The following RAD51B variants were observed in gnomAD, a reference collection of about 807,000 sequenced individuals.
RAD51B encodes DNA repair protein RAD51 homolog 2.
In RAD51B, 38 loss-of-function variants were observed where a neutral mutation model predicts 42.2. The ratio of observed to expected loss-of-function variants is 0.90; its 90% CI spans 0.70 to 1.18. The LOEUF (loss-of-function observed/expected upper bound fraction) is 1.18. Among genes scored for constraint, RAD51B ranks in the 50% most tolerant of loss-of-function variants. The pLI is 0.00. For synonymous variants in RAD51B, 154 were observed against 145.2 expected (o/e 1.06, Z -0.43); for missense variants, 373 against 400.7 (o/e 0.93, Z 0.59).
chr14:68,277,650 A>G (rs901852854), intron 7 of RAD51B, among the ~76,000 whole-genome samples: 1 of 152,210 alleles, frequency 6.6e-6, no homozygotes, highest in Non-Finnish European at 1.5e-5. Flanking sequence ...TCATTATTTT[A>G]AAGCAATGTA....
At chr14:67,828,599 TG>T (rs954032349) in intron 3 of RAD51B, among the ~76,000 whole-genome samples, 4 of 152,200 alleles carry the variant, frequency 2.6e-5, no homozygotes, top group African/African-American at 4.8e-5. Context: ...TTCAAGGTTT[TG>T]TTTTTTTTCC....
chr14:68,217,022 T>C (rs542450502), intron 7 of RAD51B, among the ~76,000 whole-genome samples: 1 of 152,356 alleles, frequency 6.6e-6, no homozygotes, highest in Non-Finnish European at 1.5e-5. Context: ...CCAAGTCCTG[T>C]GTCCTCTGGA....
At chr14:67,826,089 A>G (rs1378301889) in intron 3 of RAD51B, among the ~76,000 whole-genome samples, 2 of 152,186 alleles carry the variant, frequency 1.3e-5, no homozygotes, top group East Asian at 3.8e-4. Flanking sequence ...AAATATGGGA[A>G]TTAGGGAGCA....
At chr14:67,918,943 A>G (rs1052774586) in intron 7 of RAD51B, among the ~76,000 whole-genome samples, 8 of 152,220 alleles carry the variant, frequency 5.3e-5, no homozygotes, top group African/African-American at 1.7e-4. Flanking sequence ...AAGGCATGAA[A>G]TCTAGGAAAA....
chr14:68,642,826 T>C (rs1892489825), intron 10 of RAD51B, among the ~76,000 whole-genome samples: 2 of 152,254 alleles, frequency 1.3e-5, no homozygotes, highest in Non-Finnish European at 2.9e-5. Context: ...AATCCAAGTA[T>C]TTTTAAATTT....
intron 8 of RAD51B, among the ~76,000 whole-genome samples, chr14:68,333,641 T>C (rs757041324): frequency 2.6e-5 from 4 of 152,214 alleles, no homozygotes; most frequent in Non-Finnish European, 5.9e-5. Context: ...TGAACACCAA[T>C]TTTTTCTTTT....
chr14:68,149,727 G>C (rs1442347619), intron 7 of RAD51B: 2 of 152,166 alleles, frequency 1.3e-5, no homozygotes, highest in East Asian at 3.9e-4. Flanking sequence ...TTCCAATCTA[G>C]GCCAGTTTAT....
intron 7 of RAD51B, chr14:68,236,527 C>A (rs958397522): frequency 1.3e-5 from 2 of 152,396 alleles, no homozygotes; most frequent in East Asian, 3.9e-4. Flanking sequence ...TAGGTGCCAC[C>A]ACCATGCCTG....
chr14:68,128,556 G>T (rs1222512844), intron 7 of RAD51B, among the ~76,000 whole-genome samples: 1 of 152,148 alleles, frequency 6.6e-6, no homozygotes, highest in African/African-American at 2.4e-5. Flanking sequence ...GCTGGGTGTG[G>T]TGTTACACGC....
At chr14:68,532,458 A>G (rs1040617473) in intron 10 of RAD51B, among the ~76,000 whole-genome samples, 2 of 152,240 alleles carry the variant, frequency 1.3e-5, no homozygotes, top group Non-Finnish European at 2.9e-5. Flanking sequence ...GAGCAAATCT[A>G]TGAACAACTT....
intron 10 of RAD51B, among the ~76,000 whole-genome samples, chr14:68,521,972 G>A (rs751675079): frequency 1.6e-4 from 25 of 152,196 alleles, no homozygotes; most frequent in Admixed American, 3.3e-4. Flanking sequence ...TCACAGCAAC[G>A]CTATAAGGTT....
At chr14:68,133,266 T>C (rs2077936474) in intron 7 of RAD51B, among the ~76,000 whole-genome samples, 1 of 152,202 alleles carries the variant, frequency 6.6e-6, no homozygotes, top group Non-Finnish European at 1.5e-5. Context: ...GAATTTTCTT[T>C]TTCCACGTAT....
chr14:68,586,952 T>TCGAGATCACGCCATTGCAGTGAGC (rs1481465818), intron 10 of RAD51B, among the ~76,000 whole-genome samples: 1 of 151,310 alleles, frequency 6.6e-6, no homozygotes, highest in African/African-American at 2.4e-5. Flanking sequence ...TTGCAGTGAG[T>TCGAGATCACGCCATTGCAGTGAGC]CGAGATCACG....
intron 7 of RAD51B, among the ~76,000 whole-genome samples, chr14:68,010,403 C>A (rs2075664576): frequency 6.6e-6 from 1 of 151,772 alleles, no homozygotes; most frequent in Non-Finnish European, 1.5e-5. Context: ...ATAAAAAGAT[C>A]ATTGAAACCT....
Position 67,823,612 on chromosome 14 carries a change from G to A in RAD51B, c.69G>A (p.Gln23=). 6.2e-7 allele frequency: 1 copy of A among 1,611,962 alleles called. No individual in the cohort carries two copies. Among genetic ancestry groups the A allele is most frequent in the Non-Finnish European group, 8.5e-7 (1 of 1,179,202 alleles). Residue 23 remains glutamine, a synonymous_variant, in exon 2 of 11, where the codon CAG becomes CAA. Transcript: ENST00000471583. ...QELCDRLSRH[Q]ILTCQDFLCL... is the part of the protein sequence containing the mutation. ...TGTGTGACCGTCTGAGTAGACATCA[G>A]ATCCTTACCTGTCAGGTAAATTTTA... is the stretch of plus-strand genomic sequence containing the variant.
At chr14:68,510,388 G>A (rs556898688) in intron 10 of RAD51B, among the ~76,000 whole-genome samples, 4 of 152,140 alleles carry the variant, frequency 2.6e-5, no homozygotes, top group African/African-American at 2.4e-5. Flanking sequence ...GGCTGGGGGC[G>A]GGGGAGTGGC....
chr14:68,307,140 G>A (rs546334554), intron 8 of RAD51B, among the ~76,000 whole-genome samples: 7 of 152,102 alleles, frequency 4.6e-5, no homozygotes, highest in African/African-American at 1.4e-4. Context: ...CACAGAGGGC[G>A]TTTATTGTAG....
At chr14:67,895,411 G>T (rs998970633) in intron 7 of RAD51B, among the ~76,000 whole-genome samples, 1 of 152,100 alleles carries the variant, frequency 6.6e-6, no homozygotes, top group Non-Finnish European at 1.5e-5. Flanking sequence ...TTCCATCCTG[G>T]GTTGTTATTG....
At chr14:68,369,340 C>G (rs1594739811) in intron 8 of RAD51B, among the ~76,000 whole-genome samples, 1 of 152,220 alleles carries the variant, frequency 6.6e-6, no homozygotes, top group East Asian at 1.9e-4. Context: ...GCATATTGCC[C>G]TTCAGCACAC....
Sources: allele counts gnomAD v4.1 joint callset (sites outside exome capture counted in the v4.1 genomes callset), GRCh38; gene constraint gnomAD v4.1.1; transcripts MANE v1.5; gene names NCBI Gene and HGNC (gene_info 2026-07-23, HGNC 2026-07-21).